The following CALCR variants were observed in gnomAD, a reference collection of about 807,000 sequenced individuals.
CALCR encodes the protein calcitonin receptor.
A neutral mutation model predicts 59.5 loss-of-function variants in CALCR; 47 were observed. The observed-to-expected ratio is 0.79, with a 90% CI of 0.63 to 1.01. The LOEUF (loss-of-function observed/expected upper bound fraction) is 1.01, where lower values mean the gene tolerates loss of function less well. Among genes scored for constraint, CALCR ranks in the 50% least tolerant of loss-of-function variants. CALCR has a pLI of 0.00. For synonymous variants in CALCR, 213 were observed against 211.3 expected (o/e 1.01, Z -0.07); for missense variants, 566 against 597.1 (o/e 0.95, Z 0.54).
At chr7:93,476,358 T>C (rs535018378) in intron 5 of CALCR, among the ~76,000 whole-genome samples, 6 of 151,998 alleles carry the variant, frequency 3.9e-5, no homozygotes, top group Non-Finnish European at 8.8e-5. Flanking sequence ...ATTTCATTAA[T>C]GTGTTTTGTA....
chr7:93,570,173 C>G (rs948861238), intron 2 of CALCR, among the ~76,000 whole-genome samples: 2 of 152,002 alleles, frequency 1.3e-5, no homozygotes, highest in Non-Finnish European at 1.5e-5. Flanking sequence ...TCTTAAATAC[C>G]AGGCTGAAGA....
intron 2 of CALCR, among the ~76,000 whole-genome samples, chr7:93,568,815 CTT>C (rs1054952798): frequency 1.3e-5 from 2 of 152,082 alleles, no homozygotes; most frequent in African/African-American, 2.4e-5. Flanking sequence ...CAAATTCTCT[CTT>C]GAGGCACTAA....
intron 2 of CALCR, among the ~76,000 whole-genome samples, chr7:93,537,713 TAC>T (rs139565888): frequency 1.6e-4 from 24 of 150,266 alleles, no homozygotes; most frequent in Non-Finnish European, 2.1e-4. Context: ...TACATGTGTA[TAC>T]ACACACACAC....
At chr7:93,461,229 T>C (rs1800329312) in intron 7 of CALCR, among the ~76,000 whole-genome samples, 1 of 152,138 alleles carries the variant, frequency 6.6e-6, no homozygotes, top group Non-Finnish European at 1.5e-5. Flanking sequence ...TTATAACAAA[T>C]GTTGTAAAAT....
chr7:93,508,661 A>C lies in CALCR; in HGVS notation c.-26-21654T>G, dbSNP rs906176407. On this transcript the variant is annotated intron_variant, in intron 2 of 13. Transcript: ENST00000426151. ...GTCAAGGCATTACAGGTAGAAGGCT[A>C]AGATTTCTGGTAAATCCATGTAGTG... is the stretch of plus-strand genomic sequence containing the variant. Among the ~76,000 whole-genome samples the C allele has an allele frequency of 2.0e-5, 3 of 152,316 alleles. No homozygotes were observed. In the East Asian group the frequency reaches 5.8e-4, roughly 29 times the overall value.
At chr7:93,452,871 A>T (rs533183970) in intron 8 of CALCR, among the ~76,000 whole-genome samples, 4 of 152,120 alleles carry the variant, frequency 2.6e-5, no homozygotes, top group Non-Finnish European at 4.4e-5. Flanking sequence ...GTGATAGGGG[A>T]ATAAAAGTTA....
chr7:93,452,609 T>C (rs1185882798), intron 8 of CALCR, among the ~76,000 whole-genome samples: 1 of 152,024 alleles, frequency 6.6e-6, no homozygotes, highest in Non-Finnish European at 1.5e-5. Context: ...TGATTCCTGA[T>C]AAAGCCTCAG....
intron 2 of CALCR, among the ~76,000 whole-genome samples, chr7:93,547,188 A>G (rs1190359383): frequency 6.6e-6 from 1 of 152,068 alleles, no homozygotes; most frequent in Non-Finnish European, 1.5e-5. Flanking sequence ...AAAGCTAGAG[A>G]GTGCATATTT....
intron 7 of CALCR, among the ~76,000 whole-genome samples, chr7:93,467,111 GTTGT>G (rs1461470248): frequency 6.6e-6 from 1 of 151,548 alleles, no homozygotes; most frequent in African/African-American, 2.4e-5. Flanking sequence ...TAAAATAAAA[GTTGT>G]TTGAGAACCA....
intron 2 of CALCR, among the ~76,000 whole-genome samples, chr7:93,537,856 T>G (rs1789033309): frequency 6.6e-6 from 1 of 151,930 alleles, no homozygotes; most frequent in African/African-American, 2.4e-5. Flanking sequence ...TGAAATTGAC[T>G]AGTTTATATG....
intron 13 of CALCR, among the ~76,000 whole-genome samples, chr7:93,432,641 C>T (rs1223260149): frequency 6.6e-6 from 1 of 152,206 alleles, no homozygotes. Flanking sequence ...ATGTCTGACA[C>T]TTCCAATGAC....
intron 2 of CALCR, among the ~76,000 whole-genome samples, chr7:93,506,765 A>G (rs1425936767): frequency 2.0e-5 from 3 of 151,984 alleles, no homozygotes; most frequent in African/African-American, 7.3e-5. Context: ...CTTAATAATC[A>G]GGTGATATGG....
At chr7:93,462,632 G>A (rs1299823396) in intron 7 of CALCR, among the ~76,000 whole-genome samples, 1 of 152,030 alleles carries the variant, frequency 6.6e-6, no homozygotes, top group Non-Finnish European at 1.5e-5. Context: ...AATGATAATT[G>A]ACATTATCTA....
rs116516771 is a variant in CALCR, at chr7:93,450,475, C to G, written c.649-6718G>C. ...AAGTATATACACAGAATCTGAGGCC[C>G]CTCTTCTCTGACTCTTTTCTTTTTG... On this transcript the variant is annotated intron_variant, in intron 8 of 13. Coordinates refer to ENST00000426151, the MANE Select transcript of CALCR (RefSeq NM_001742.4). 6.6e-3 allele frequency among the ~76,000 whole-genome samples: 1,004 copies of G among 151,976 alleles called. 9 individuals carry two copies. The highest frequency in any genetic ancestry group is 0.023 in the African/African-American group (971 of 41,492).
intron 7 of CALCR, among the ~76,000 whole-genome samples, chr7:93,465,880 G>T (rs1800430901): frequency 6.6e-6 from 1 of 151,720 alleles, no homozygotes; most frequent in Non-Finnish European, 1.5e-5. Context: ...TGAAGTATTG[G>T]CAGTTCCAAA....
chr7:93,544,742 G>A (rs1341467190), intron 2 of CALCR, among the ~76,000 whole-genome samples: 1 of 152,148 alleles, frequency 6.6e-6, no homozygotes, highest in Non-Finnish European at 1.5e-5. Context: ...CAGCAACAGT[G>A]TGACCTAAAT....
At chr7:93,434,545 C>G (rs1799734085) in intron 12 of CALCR, among the ~76,000 whole-genome samples, 1 of 151,882 alleles carries the variant, frequency 6.6e-6, no homozygotes, top group African/African-American at 2.4e-5. Flanking sequence ...ATATTTTGCT[C>G]CCTTTAACAT....
intron 7 of CALCR, among the ~76,000 whole-genome samples, chr7:93,465,495 A>C (rs1800421880): frequency 6.6e-6 from 1 of 151,932 alleles, no homozygotes; most frequent in East Asian, 1.9e-4. Context: ...ATACCATCCT[A>C]ATAATGCTGT....
intron 3 of CALCR, among the ~76,000 whole-genome samples, chr7:93,483,433 A>G (rs991679898): frequency 7.2e-5 from 10 of 138,628 alleles, no homozygotes; most frequent in African/African-American, 2.6e-4. Context: ...AGATAGATAG[A>G]TAGATAGATA....
Sources: gnomAD v4.1 joint callset for allele counts (sites outside exome capture counted in the v4.1 genomes callset) on GRCh38, gnomAD v4.1.1 for gene constraint, MANE v1.5 for transcripts, NCBI Gene and HGNC (gene_info 2026-07-23, HGNC 2026-07-21) for gene names.